NRCAM: variants seen among roughly 807,000 people sequenced by gnomAD.
NRCAM encodes NgCAM-related cell adhesion molecule.
Under a neutral mutation model 156.5 loss-of-function variants are expected in NRCAM, and 83 were observed. The observed-to-expected ratio is 0.53, with a 90% CI of 0.44 to 0.64. The LOEUF is 0.64. Among genes scored for constraint, NRCAM ranks in the 30% least tolerant of loss-of-function variants. NRCAM has a pLI of 0.00. For missense variants in NRCAM, 1,417 were observed against 1,597.3 expected, an observed-to-expected ratio of 0.89 and a Z score of 1.92; for synonymous variants, 538 against 563.9, an observed-to-expected ratio of 0.95 and a Z score of 0.65.
At chr7:108,428,591 G>A (rs1053894364) in intron 1 of NRCAM, among the ~76,000 whole-genome samples, 14 of 152,192 alleles carry the variant, frequency 9.2e-5, no homozygotes, top group Admixed American at 3.3e-4. Context: ...AAGGGCAAGA[G>A]AAATTGACAG....
chr7:108,177,998 T>C lies in NRCAM; in HGVS notation c.2966A>G (p.Tyr989Cys), dbSNP rs1289148750. Reference protein sequence around the residue: ...NGILTEYTLKYQPINSTHELG... With the variant: ...NGILTEYTLKCQPINSTHELG... ...TCCTCCCAACAGCTTACTTGGCTGA[T>C]ACTTTAAGGTGTACTCTGTCAAAAT... Residue 989 changes from tyrosine (Y) to cysteine (C), a missense_variant, in exon 26 of 33, where the codon TAT becomes TGT. Tyr to Cys is a radical substitution (Grantham distance 194). Transcript: ENST00000379028. The C allele has an allele frequency of 6.2e-7, 1 of 1,605,502 alleles. No homozygotes were observed. The highest frequency in any genetic ancestry group is 8.5e-7 in the Non-Finnish European group (1 of 1,175,928).
At chr7:108,367,348 T>A (rs1340432718) in intron 2 of NRCAM, among the ~76,000 whole-genome samples, 3 of 152,182 alleles carry the variant, frequency 2.0e-5, no homozygotes, top group Admixed American at 6.5e-5. Context: ...TTAATGTATA[T>A]CTGATTAAAG....
At chr7:108,178,855 C>G (rs974247155) in intron 25 of NRCAM, among the ~76,000 whole-genome samples, 9 of 152,308 alleles carry the variant, frequency 5.9e-5, no homozygotes, top group African/African-American at 2.2e-4. Flanking sequence ...ACCACTCTCC[C>G]TATTGTCACT....
intron 28 of NRCAM, among the ~76,000 whole-genome samples, chr7:108,173,221 C>T (rs426322): frequency 0.58 from 87,846 of 151,944 alleles, 30,045 homozygotes; most frequent in East Asian, 0.83. Flanking sequence ...CCTGACCTCA[C>T]GTGATCTGCC....
intron 10 of NRCAM, among the ~76,000 whole-genome samples, chr7:108,225,038 A>G (rs1330772975): frequency 6.6e-6 from 1 of 152,202 alleles, no homozygotes. Flanking sequence ...ACTTGAGAAC[A>G]TTTCCCTTAA....
At chr7:108,326,236 G>A (rs1006401060) in intron 2 of NRCAM, among the ~76,000 whole-genome samples, 2 of 152,152 alleles carry the variant, frequency 1.3e-5, no homozygotes, top group African/African-American at 4.8e-5. Context: ...AAAATCATAT[G>A]TAACAGATTA....
chr7:108,160,838 A>C (rs1036479810), intron 30 of NRCAM, among the ~76,000 whole-genome samples: 1 of 152,254 alleles, frequency 6.6e-6, no homozygotes, highest in East Asian at 1.9e-4. Context: ...TACATTTTAC[A>C]TTAAGTATAA....
At chr7:108,302,876 T>C (rs2098649400) in intron 3 of NRCAM, among the ~76,000 whole-genome samples, 1 of 152,216 alleles carries the variant, frequency 6.6e-6, no homozygotes, top group African/African-American at 2.4e-5. Context: ...GTATAGTATA[T>C]TCACAATTAG....
chr7:108,374,309 A>G (rs999453641), intron 2 of NRCAM, among the ~76,000 whole-genome samples: 3 of 152,156 alleles, frequency 2.0e-5, no homozygotes, highest in African/African-American at 7.2e-5. Context: ...AACAACTGAT[A>G]ACTGAACAAA....
intron 12 of NRCAM, 60 bp from the exon 13 acceptor site, chr7:108,207,719 A>G (rs2081917998): frequency 1.4e-6 from 2 of 1,421,368 alleles, no homozygotes; most frequent in African/African-American, 1.4e-5. Flanking sequence ...TTAGCAAAAG[A>G]ACATATTGAA....
At chr7:108,363,804 AAT>A (rs2099574513) in intron 2 of NRCAM, among the ~76,000 whole-genome samples, 1 of 152,218 alleles carries the variant, frequency 6.6e-6, no homozygotes, top group African/African-American at 2.4e-5. Flanking sequence ...GGCAAATCAC[AAT>A]AGAGGGATAT....
chr7:108,294,268 G>A (rs1376580492), intron 3 of NRCAM, among the ~76,000 whole-genome samples: 2 of 127,276 alleles, frequency 1.6e-5, no homozygotes, highest in African/African-American at 3.0e-5. Context: ...TCAAACTCAA[G>A]TGTCACCAAC....
intron 11 of NRCAM, among the ~76,000 whole-genome samples, chr7:108,209,942 G>A (rs2083173420): frequency 6.6e-6 from 1 of 152,032 alleles, no homozygotes; most frequent in African/African-American, 2.4e-5. Flanking sequence ...AAGCTACTAT[G>A]TTAATCAAAA....
chr7:108,171,165 C>T (rs2058241091), intron 28 of NRCAM, among the ~76,000 whole-genome samples: 1 of 152,138 alleles, frequency 6.6e-6, no homozygotes, highest in South Asian at 2.1e-4. Flanking sequence ...TGTAGTGTCC[C>T]CTTTCTCTGG....
intron 1 of NRCAM, among the ~76,000 whole-genome samples, chr7:108,437,051 G>A (rs1833055968): frequency 6.6e-6 from 1 of 152,168 alleles, no homozygotes; most frequent in African/African-American, 2.4e-5. Flanking sequence ...TTAAAAAAAT[G>A]TTGTACTCAT....
intron 15 of NRCAM, 148 bp downstream of exon 15, chr7:108,195,613 C>T: frequency 1.8e-6 from 1 of 564,508 alleles, no homozygotes; most frequent in Admixed American, 3.3e-5. Context: ...GAGACTCTGT[C>T]TCACAAGAAA....
chr7:108,241,694 G>C (rs2095538885), intron 3 of NRCAM, among the ~76,000 whole-genome samples: 1 of 152,012 alleles, frequency 6.6e-6, no homozygotes, highest in African/African-American at 2.4e-5. Flanking sequence ...AAAAAGGAAA[G>C]GAGAAAAGGG....
chr7:108,159,443 G>T lies in NRCAM; in HGVS notation c.3677+20C>A. The T allele has an allele frequency of 1.2e-6, 2 of 1,600,376 alleles. No individual in the cohort carries two copies. Among genetic ancestry groups the T allele is most frequent in the Non-Finnish European group, 1.7e-6 (2 of 1,167,712 alleles). The stretch of plus-strand genomic sequence containing the variant: ...TTCATGTGGGCAGAGAAGATGAAGA[G>T]CAGAGAAGCAGGGGCTCACCTGTAT... On this transcript the variant is annotated intron_variant, in intron 32 of 32. Transcript: ENST00000379028.
intron 17 of NRCAM, among the ~76,000 whole-genome samples, chr7:108,192,496 G>A (rs1381092978): frequency 2.0e-5 from 3 of 152,074 alleles, no homozygotes; most frequent in South Asian, 2.1e-4. Context: ...CACCCTGTCC[G>A]TGGAAAAACT....
Sources: gnomAD v4.1 joint callset for allele counts (sites outside exome capture counted in the v4.1 genomes callset) on GRCh38, gnomAD v4.1.1 for gene constraint, MANE v1.5 for transcripts, NCBI Gene and HGNC (gene_info 2026-07-23, HGNC 2026-07-21) for gene names.